The following HNRNPLL variants were observed in gnomAD, a reference collection of about 807,000 sequenced individuals.
The protein encoded by HNRNPLL is heterogeneous nuclear ribonucleoprotein L like.
A neutral mutation model predicts 67.1 loss-of-function variants in HNRNPLL; 25 were observed. That is an observed-to-expected ratio of 0.37 (90% CI 0.27 to 0.52). The LOEUF (loss-of-function observed/expected upper bound fraction) is 0.52. HNRNPLL is among the 20% of genes least tolerant of loss of function. The pLI is 0.90. For missense variants in HNRNPLL, 542 were observed against 673.9 expected (o/e 0.80, Z 2.17); for synonymous variants, 267 against 241.7 (o/e 1.10, Z -0.97).
chr2:38,581,922 C>T lies in HNRNPLL; in HGVS notation c.793G>A (p.Gly265Arg), dbSNP rs546549191. The T allele has an allele frequency of 1.9e-6, 3 of 1,608,100 alleles. No homozygotes were observed. In the African/African-American group the frequency reaches 4.0e-5, roughly 21 times the overall value. ...DSWDYTKPYL[G>R]RRDRGKGRQR... ...TGTATAAAATACCTACCTCGTCTTC[C>T]CAAATATGGTTTAGTGTAGTCCCAA... The change falls in exon 6 of 13, where the codon GGA becomes AGA. Residue 265 changes from glycine to arginine, a missense_variant. Physicochemically the swap from Gly to Arg is moderately radical, Grantham distance 125 (BLOSUM62 -2). Coordinates refer to ENST00000449105, the MANE Select transcript of HNRNPLL (RefSeq NM_138394.4).
rs987158278 is a variant in HNRNPLL, at chr2:38,562,698, G to A, written c.*1484C>T. On this transcript the variant is annotated 3_prime_UTR_variant, in exon 13 of 13. Transcript: ENST00000449105. The stretch of plus-strand genomic sequence containing the variant: ...TAACTTACTGGGTTCTGTGATAAGG[G>A]TCTAAAATACTTCTAGATTAAATTT... 1 of 152,016 alleles carries A rather than the reference G, an allele frequency of 6.6e-6. No homozygotes were observed. The highest frequency in any genetic ancestry group is 6.6e-5 in the Admixed American group (1 of 15,242). 9.4% of individuals were successfully genotyped at this position (152,016 alleles called of 1,614,324 possible).
rs908161781 is a variant in HNRNPLL, at chr2:38,563,806, T to A, written c.*376A>T. 1 of 160,756 alleles carries A rather than the reference T, an allele frequency of 6.2e-6. No homozygotes were observed. The highest frequency in any genetic ancestry group is 2.4e-5 in the African/African-American group (1 of 41,658). The allele number at this position is 160,756 out of a possible 1,614,324, so 10.0% of individuals were successfully genotyped here. ...ATCTAAACATATAATAGGAATTCTA[T>A]ATTAAAATGCAATACTTTCACCTGC... On this transcript the variant is annotated 3_prime_UTR_variant, in exon 13 of 13. Coordinates refer to ENST00000449105, the MANE Select transcript of HNRNPLL (RefSeq NM_138394.4).
At chr2:38,590,594 A>C (rs985979108) in intron 2 of HNRNPLL, among the ~76,000 whole-genome samples, 1 of 152,202 alleles carries the variant, frequency 6.6e-6, no homozygotes, top group Non-Finnish European at 1.5e-5. Context: ...CAGCAGATTC[A>C]CTTTTCTAAT....
chr2:38,597,578 A>G (rs192654944), intron 1 of HNRNPLL, among the ~76,000 whole-genome samples: 94 of 152,354 alleles, frequency 6.2e-4, no homozygotes, highest in African/African-American at 2.2e-3. Flanking sequence ...GTAAAGAAGC[A>G]CATCTAAAAC....
intron 1 of HNRNPLL, among the ~76,000 whole-genome samples, chr2:38,595,825 C>T (rs1667166746): frequency 6.6e-6 from 1 of 152,026 alleles, no homozygotes; most frequent in South Asian, 2.1e-4. Context: ...GCCTGGGCGA[C>T]AGAGCGAGAC....
At chr2:38,587,417 C>T (rs1353367220) in intron 2 of HNRNPLL, among the ~76,000 whole-genome samples, 2 of 152,140 alleles carry the variant, frequency 1.3e-5, no homozygotes, top group African/African-American at 4.8e-5. Flanking sequence ...AAGCTAGAAA[C>T]AGAGCCTAGC....
At chr2:38,596,391 T>A (rs1667194267) in intron 1 of HNRNPLL, among the ~76,000 whole-genome samples, 1 of 152,008 alleles carries the variant, frequency 6.6e-6, no homozygotes, top group Non-Finnish European at 1.5e-5. Flanking sequence ...CCCGACTAGC[T>A]GGGACCACAA....
At chr2:38,600,237 A>G (rs1311707600) in intron 1 of HNRNPLL, among the ~76,000 whole-genome samples, 1 of 152,224 alleles carries the variant, frequency 6.6e-6, no homozygotes, top group East Asian at 1.9e-4. Context: ...TATCAGCAGT[A>G]AGATAAACAA....
chr2:38,569,971 A>G (rs375897347), intron 8 of HNRNPLL, 46 bp from the exon 9 acceptor site: 73 of 1,420,546 alleles, frequency 5.1e-5, no homozygotes, highest in Non-Finnish European at 6.8e-5. Context: ...ATTCCCTTTT[A>G]CAGTAAAAGA....
intron 1 of HNRNPLL, among the ~76,000 whole-genome samples, chr2:38,600,900 A>G (rs968163167): frequency 2.6e-5 from 4 of 152,230 alleles, no homozygotes; most frequent in African/African-American, 9.7e-5. Flanking sequence ...CTATTGATTT[A>G]ATGCTTTATC....
At chr2:38,587,390 C>A (rs1056702026) in intron 2 of HNRNPLL, among the ~76,000 whole-genome samples, 4 of 152,144 alleles carry the variant, frequency 2.6e-5, no homozygotes, top group African/African-American at 4.8e-5. Flanking sequence ...TTGCCTCATT[C>A]ATCTTTCTGT....
chr2:38,602,394 G>C (rs746865262), intron 1 of HNRNPLL, 44 bp downstream of exon 1: 4 of 1,536,154 alleles, frequency 2.6e-6, no homozygotes, highest in South Asian at 2.4e-5. Flanking sequence ...CTGCTTCCCG[G>C]GGAGCAGCCA....
chr2:38,586,555 T>C (rs1666743036), intron 2 of HNRNPLL, among the ~76,000 whole-genome samples: 1 of 152,222 alleles, frequency 6.6e-6, no homozygotes, highest in Non-Finnish European at 1.5e-5. Context: ...ACAGAATCCC[T>C]ACTTGACAGC....
intron 3 of HNRNPLL, among the ~76,000 whole-genome samples, chr2:38,584,562 A>T (rs1317636290): frequency 6.6e-6 from 1 of 152,216 alleles, no homozygotes; most frequent in East Asian, 1.9e-4. Flanking sequence ...ATAATCAATG[A>T]ATATTTTTTC....
At position 38,562,262 on chromosome 2, in the gene HNRNPLL, TA is replaced by T. The variant is rs1431765064; in HGVS notation, c.*1919del. The T allele has an allele frequency of 2.6e-5, 4 of 152,174 alleles. No homozygotes were observed. The highest frequency in any genetic ancestry group is 5.9e-5 in the Non-Finnish European group (4 of 68,010). The allele number at this position is 152,174 out of a possible 1,614,324, so 9.4% of individuals were successfully genotyped here. A position where few individuals can be genotyped will look rare whatever the true frequency, so the allele number is the denominator to read the frequency against. On this transcript the variant is annotated 3_prime_UTR_variant, in exon 13 of 13. Coordinates refer to ENST00000449105, the MANE Select transcript of HNRNPLL (RefSeq NM_138394.4). Reference sequence around the variant, plus strand: ...AGTATAGGGCTTACACACCAGTGTATAAATCTATCAGCAAGGCCCAACTTAC... The same window carrying T: ...AGTATAGGGCTTACACACCAGTGTATAATCTATCAGCAAGGCCCAACTTAC...
At chr2:38,573,080 T>C in intron 8 of HNRNPLL, 130 bp downstream of exon 8, 1 of 651,562 alleles carries the variant, frequency 1.5e-6, no homozygotes, top group Non-Finnish European at 2.6e-6. Context: ...TAATAGATTT[T>C]TAGCTTATGT....
At position 38,568,212 on chromosome 2, in the gene HNRNPLL, C is replaced by A; in HGVS notation, c.1560G>T (p.Gln520His). The A allele has an allele frequency of 6.2e-7, 1 of 1,607,312 alleles. No homozygotes were observed. Among genetic ancestry groups the A allele is most frequent in the Non-Finnish European group, 8.5e-7 (1 of 1,174,342 alleles). ...CATTTTACTTACTCGGCACTCTTAT[C>A]TGATAGTGATTCAGTGCCGTAAGGG... ...VEALTALNHY[Q>H]IRVPNGSNPY... The change falls in exon 12 of 13, where the codon CAG (glutamine) becomes CAT (histidine). Residue 520 changes from glutamine to histidine, a missense_variant. Around this residue, in one of 2 missense-constraint regions of HNRNPLL, gnomAD observed 415 missense variants for 575.2 expected, o/e 0.72. Coordinates refer to ENST00000449105, the MANE Select transcript of HNRNPLL (RefSeq NM_138394.4).
chr2:38,592,275 C>CA (rs1427537708), intron 1 of HNRNPLL, among the ~76,000 whole-genome samples: 2 of 152,138 alleles, frequency 1.3e-5, no homozygotes, highest in African/African-American at 4.8e-5. Flanking sequence ...ATTTGATACT[C>CA]ATTAACCTCC....
intron 4 of HNRNPLL, 101 bp downstream of exon 4, chr2:38,583,740 G>A: frequency 2.0e-6 from 1 of 509,332 alleles, no homozygotes; most frequent in Non-Finnish European, 3.5e-6. Flanking sequence ...AGATTTTTGT[G>A]AGAGGACAAA....
Sources: gnomAD v4.1 joint callset for allele counts (sites outside exome capture counted in the v4.1 genomes callset) on GRCh38, gnomAD v4.1.1 for gene constraint, gnomAD v4.1.1 regional missense constraint, MANE v1.5 for transcripts, NCBI Gene and HGNC (gene_info 2026-07-23, HGNC 2026-07-21) for gene names.